The following CDH2 variants were observed in gnomAD, a reference collection of about 807,000 sequenced individuals.
The protein encoded by CDH2 is cadherin-2.
In CDH2, 17 loss-of-function variants were observed where a neutral mutation model predicts 92.0. The observed-to-expected ratio is 0.18, with a 90% confidence interval of 0.13 to 0.28. The LOEUF (loss-of-function observed/expected upper bound fraction) is 0.28, where lower values mean the gene tolerates loss of function less well. CDH2 is among the 10% of genes least tolerant of loss of function. The pLI is 1.00. For synonymous variants in CDH2, 419 were observed against 415.9 expected (o/e 1.01, Z -0.09); for missense variants, 862 against 1,133.1 (o/e 0.76, Z 3.44).
At chr18:28,098,573 T>C (rs1209334773) in intron 2 of CDH2, among the ~76,000 whole-genome samples, 4 of 152,080 alleles carry the variant, frequency 2.6e-5, no homozygotes, top group Admixed American at 6.6e-5. Context: ...ACAAAACTTA[T>C]TGACTACACG....
At chr18:28,020,056 TC>T (rs1166025324) in intron 2 of CDH2, among the ~76,000 whole-genome samples, 1 of 152,142 alleles carries the variant, frequency 6.6e-6, no homozygotes, top group Non-Finnish European at 1.5e-5. Flanking sequence ...CTTTCAAATT[TC>T]AATGGATAAC....
rs1909414422 is a variant in CDH2 at position 27,951,054 on chromosome 18, T to TGTCA, written c.*1095_*1098dup. On this transcript the variant is annotated 3_prime_UTR_variant, in exon 16 of 16. Coordinates refer to ENST00000269141, the MANE Select transcript of CDH2 (RefSeq NM_001792.5). ...GTACACAATACAGAGGCAAAGCTGT[T>TGTCA]GTCAGAAGTCTCTCCAGTTTAAAAG... 1 of 152,378 alleles carries TGTCA rather than the reference T, an allele frequency of 6.6e-6. No homozygotes were observed. Among genetic ancestry groups the TGTCA allele is most frequent in the Non-Finnish European group, 1.5e-5 (1 of 67,970 alleles). The allele number at this position is 152,378 out of a possible 1,614,324, so 9.4% of individuals were successfully genotyped here.
intron 7 of CDH2, among the ~76,000 whole-genome samples, chr18:27,998,205 T>C (rs1229453429): frequency 6.6e-6 from 1 of 152,242 alleles, no homozygotes; most frequent in African/African-American, 2.4e-5. Context: ...TTCTTTTGTA[T>C]ACATATTACA....
intron 1 of CDH2, among the ~76,000 whole-genome samples, chr18:28,163,353 C>T (rs2016333921): frequency 6.6e-6 from 1 of 152,236 alleles, no homozygotes; most frequent in African/African-American, 2.4e-5. Context: ...AGCAATTCTA[C>T]TCCTTGGTAC....
At chr18:28,004,528 T>C (rs2012858709) in intron 6 of CDH2, among the ~76,000 whole-genome samples, 1 of 152,208 alleles carries the variant, frequency 6.6e-6, no homozygotes, top group African/African-American at 2.4e-5. Context: ...AAATTCATGG[T>C]AAAATGCATC....
At chr18:28,121,824 T>C (rs888969726) in intron 2 of CDH2, among the ~76,000 whole-genome samples, 8 of 152,070 alleles carry the variant, frequency 5.3e-5, no homozygotes, top group Admixed American at 6.6e-5. Context: ...ATACTTTGCC[T>C]GGGTTTTGTA....
downstream of CDH2, among the ~76,000 whole-genome samples, chr18:27,950,411 TG>T (rs1909388746): frequency 1.3e-5 from 2 of 151,936 alleles, no homozygotes; most frequent in South Asian, 4.1e-4. Flanking sequence ...TGTTTCCTTT[TG>T]TTGCCCTCTG....
intron 6 of CDH2, among the ~76,000 whole-genome samples, chr18:28,005,296 T>G (rs923734578): frequency 4.6e-5 from 7 of 152,144 alleles, no homozygotes; most frequent in Non-Finnish European, 1.0e-4. Context: ...GTTGAAGGGA[T>G]AGAACTGCAG....
intron 1 of CDH2, among the ~76,000 whole-genome samples, chr18:28,170,742 T>C (rs1345001708): frequency 2.0e-5 from 3 of 152,212 alleles, no homozygotes; most frequent in African/African-American, 7.2e-5. Context: ...TTTTGTTCCC[T>C]ACAGCAGGGG....
chr18:28,170,053 G>A (rs1188634149), intron 1 of CDH2, among the ~76,000 whole-genome samples: 3 of 152,180 alleles, frequency 2.0e-5, no homozygotes, highest in Admixed American at 6.5e-5. Context: ...CTCAGGCACT[G>A]AGAACTCAGC....
chr18:28,109,882 T>C (rs1343565151), intron 2 of CDH2, among the ~76,000 whole-genome samples: 2 of 152,240 alleles, frequency 1.3e-5, no homozygotes, highest in African/African-American at 4.8e-5. Context: ...CTCTTTCATA[T>C]GCCAAAATAG....
At position 27,983,967 on chromosome 18, in the gene CDH2, T is replaced by G. The variant is rs950982920; in HGVS notation, c.2210-884A>C. ...ATTTAATGACTCCTATTGGAGCACA[T>G]TTTTATTATTGGCCATAAAAGTAAA... On this transcript the variant is annotated intron_variant, in intron 13 of 15. Transcript: ENST00000269141. 1.2e-4 allele frequency among the ~76,000 whole-genome samples: 19 copies of G among 152,206 alleles called. 1 individual carries two copies. The highest frequency in any genetic ancestry group is 1.0e-3 in the Admixed American group (16 of 15,288).
chr18:28,048,723 T>C (rs1164390528), intron 2 of CDH2, among the ~76,000 whole-genome samples: 4 of 152,160 alleles, frequency 2.6e-5, no homozygotes, highest in Non-Finnish European at 5.9e-5. Flanking sequence ...CGTAACTAAA[T>C]GCAGCAGTGC....
intron 2 of CDH2, among the ~76,000 whole-genome samples, chr18:28,083,413 A>G (rs186504335): frequency 4.6e-5 from 7 of 151,166 alleles, no homozygotes; most frequent in Admixed American, 4.0e-4. Context: ...CACTGGACTG[A>G]ATAGAAAACA....
intron 2 of CDH2, among the ~76,000 whole-genome samples, chr18:28,101,837 C>T (rs1005515159): frequency 6.6e-6 from 1 of 152,098 alleles, no homozygotes; most frequent in African/African-American, 2.4e-5. Context: ...AAGAAAAAAA[C>T]CACTTCACCC....
chr18:27,965,804 G>C (rs937305698), intron 14 of CDH2, among the ~76,000 whole-genome samples: 2 of 151,818 alleles, frequency 1.3e-5, no homozygotes, highest in Non-Finnish European at 2.9e-5. Flanking sequence ...CCAATATGGT[G>C]AAACCCCATC....
intron 2 of CDH2, among the ~76,000 whole-genome samples, chr18:28,056,976 A>G (rs1371243224): frequency 6.6e-6 from 1 of 152,164 alleles, no homozygotes; most frequent in Non-Finnish European, 1.5e-5. Flanking sequence ...ATTGTGTTGA[A>G]TTATTGTATG....
chr18:28,035,752 T>C (rs889972654), intron 2 of CDH2, among the ~76,000 whole-genome samples: 5 of 152,112 alleles, frequency 3.3e-5, no homozygotes, highest in Non-Finnish European at 5.9e-5. Context: ...TTCTTTGTCA[T>C]AGCTGCATGA....
At chr18:27,950,157 T>C (rs1350616256), downstream of CDH2, among the ~76,000 whole-genome samples, 3 of 152,096 alleles carry the variant, frequency 2.0e-5, no homozygotes, top group Non-Finnish European at 4.4e-5. Flanking sequence ...AAGTATTGCC[T>C]ACAAAGTGAA....
Sources: allele counts gnomAD v4.1 joint callset (sites outside exome capture counted in the v4.1 genomes callset), GRCh38; gene constraint gnomAD v4.1.1; transcripts MANE v1.5; gene names NCBI Gene and HGNC (gene_info 2026-07-23, HGNC 2026-07-21).